The following ABHD5 variants were observed in gnomAD, a reference collection of about 807,000 sequenced individuals.
ABHD5 encodes 1-acylglycerol-3-phosphate O-acyltransferase ABHD5.
Under a neutral mutation model 44.9 loss-of-function variants are expected in ABHD5, and 30 were observed. The observed-to-expected ratio is 0.67, with a 90% CI of 0.50 to 0.91. The LOEUF (loss-of-function observed/expected upper bound fraction) is 0.91. ABHD5 is among the 40% of genes least tolerant of loss of function. The pLI is 0.00. For synonymous variants in ABHD5, 167 were observed against 147.0 expected, an observed-to-expected ratio of 1.14 and a Z score of -0.99; for missense variants, 399 against 423.4, an observed-to-expected ratio of 0.94 and a Z score of 0.50.
In ABHD5 at chr3:43,709,625, A is replaced by G. The variant is rs1302914398; in HGVS notation, c.507-2084A>G. On this transcript the variant is annotated intron_variant, in intron 3 of 6. Coordinates refer to ENST00000644371, the MANE Select transcript of ABHD5 (RefSeq NM_016006.6). ...TTTGGGAGATAAGTCAGTAGTGAAT[A>G]ATAGTGGCTGTTTCTTAACATGAAT... Among the ~76,000 whole-genome samples, 2 of 152,348 alleles carry G rather than the reference A, an allele frequency of 1.3e-5. 1 individual carries two copies. The highest frequency in any genetic ancestry group is 4.8e-5 in the African/African-American group (2 of 41,576).
chr3:43,728,465 A>G (rs2084892429), intron 7 of ABHD5, among the ~76,000 whole-genome samples: 2 of 152,220 alleles, frequency 1.3e-5, no homozygotes, highest in Admixed American at 6.5e-5. Context: ...AAGCTAACCC[A>G]TAAATAACTC....
chr3:43,694,258 C>CAAA (rs80129256), intron 1 of ABHD5, among the ~76,000 whole-genome samples: 113 of 45,486 alleles, frequency 2.5e-3, no homozygotes, highest in African/African-American at 6.8e-3. Context: ...GACTCCGTCT[C>CAAA]AAAAAAAAAA....
At chr3:43,730,481 G>A (rs2084905517) in intron 7 of ABHD5, among the ~76,000 whole-genome samples, 1 of 149,994 alleles carries the variant, frequency 6.7e-6, no homozygotes, top group African/African-American at 2.4e-5. Context: ...TGTTTTAATG[G>A]AGAATAGAAA....
intron 4 of ABHD5, among the ~76,000 whole-genome samples, chr3:43,714,073 C>G (rs764218215): frequency 6.6e-6 from 1 of 151,922 alleles, no homozygotes; most frequent in Non-Finnish European, 1.5e-5. Context: ...GCTCTTCATC[C>G]TCTTTCCCTT....
chr3:43,722,747 A>T (rs1047741278), downstream of ABHD5: 1 of 152,186 alleles, frequency 6.6e-6, no homozygotes, highest in Non-Finnish European at 1.5e-5. Context: ...TATTTTTAGC[A>T]ATGATATTGG....
At chr3:43,718,146 C>T (rs148176940) in intron 6 of ABHD5, among the ~76,000 whole-genome samples, 27 of 152,254 alleles carry the variant, frequency 1.8e-4, no homozygotes, top group Non-Finnish European at 3.4e-4. Context: ...TAATTCCCAC[C>T]TCACAAGGCA....
rs1025129635 is a variant in ABHD5, at chr3:43,720,049, A to G, written c.*1517A>G. 6.6e-6 allele frequency: 1 copy of G among 152,244 alleles called. No individual in the cohort carries two copies. Among genetic ancestry groups the G allele is most frequent in the Non-Finnish European group, 1.5e-5 (1 of 68,038 alleles). The allele number at this position is 152,244 out of a possible 1,614,324, so 9.4% of individuals were successfully genotyped here. On this transcript the variant is annotated 3_prime_UTR_variant, in exon 7 of 7. Transcript: ENST00000644371. Reference sequence around the variant, plus strand: ...TAGACAAATTATACTGAAGCATGATATAAACATCTTCCCAATGAACAATTT... The same window carrying G: ...TAGACAAATTATACTGAAGCATGATGTAAACATCTTCCCAATGAACAATTT...
intron 3 of ABHD5, chr3:43,707,633 T>C (rs1261146456): frequency 6.6e-6 from 1 of 151,666 alleles, no homozygotes; most frequent in Non-Finnish European, 1.5e-5. Context: ...TTCTCCTTTC[T>C]TTTTTTTTCC....
Position 43,718,647 on chromosome 3 carries a change from T to A in ABHD5, c.*115T>A. The A allele has an allele frequency of 1.0e-6, 1 of 996,080 alleles. No homozygotes were observed. Among genetic ancestry groups the A allele is most frequent in the Non-Finnish European group, 1.6e-6 (1 of 629,234 alleles). 61.7% of individuals were successfully genotyped at this position (996,080 alleles called of 1,614,324 possible). A position where few individuals can be genotyped will look rare whatever the true frequency, so the allele number is the denominator to read the frequency against. The stretch of plus-strand genomic sequence containing the variant: ...CACACAACCAGGCAGCCTTCTTGAC[T>A]ATACTTTGCACATGTTTTCTTTAGG... On this transcript the variant is annotated 3_prime_UTR_variant, in exon 7 of 7. Transcript: ENST00000644371.
At chr3:43,703,404 C>T (rs2014253) in intron 3 of ABHD5, among the ~76,000 whole-genome samples, 2,074 of 152,178 alleles carry the variant, frequency 0.014, 40 homozygotes, top group African/African-American at 0.047. Flanking sequence ...GTCTCAAACT[C>T]CTGACCTCAA....
Position 43,699,240 on chromosome 3 carries a change from A to T in ABHD5, c.48-36A>T, listed in dbSNP as rs770681419. Reference sequence around the variant, plus strand: ...CAATTGGTAGTTGAGAAGAGCATGAACTCACCTATTTGTTATTTTGTTTTT... The same window carrying T: ...CAATTGGTAGTTGAGAAGAGCATGATCTCACCTATTTGTTATTTTGTTTTT... On this transcript the variant is annotated intron_variant, in intron 1 of 6. Transcript: ENST00000644371. 4 of 1,545,714 alleles carry T rather than the reference A, an allele frequency of 2.6e-6. No homozygotes were observed. The South Asian group carries it at 4.5e-5, about 17-fold the overall frequency.
In ABHD5 at chr3:43,722,248, T is replaced by C. The variant is rs1472987471; in HGVS notation, c.*3716T>C. 6.6e-6 allele frequency: 1 copy of C among 152,208 alleles called. No individual in the cohort carries two copies. Among genetic ancestry groups the C allele is most frequent in the Non-Finnish European group, 1.5e-5 (1 of 68,038 alleles). The allele number at this position is 152,208 out of a possible 1,614,324, so 9.4% of individuals were successfully genotyped here. ...TCTATACAATGGGATACTACACAGC[T>C]GTAGAAAGGACTGCGAACTATTTTT... On this transcript the variant is annotated 3_prime_UTR_variant, in exon 7 of 7. Coordinates refer to ENST00000644371, the MANE Select transcript of ABHD5 (RefSeq NM_016006.6).
intron 4 of ABHD5, 69 bp from the exon 5 acceptor site, chr3:43,714,878 T>A (rs2084741154): frequency 9.1e-7 from 1 of 1,100,950 alleles, no homozygotes; most frequent in Admixed American, 1.7e-5. Flanking sequence ...ACTAAAACTT[T>A]CTATATTATT....
chr3:43,718,159 A>G (rs1429997819), intron 6 of ABHD5, among the ~76,000 whole-genome samples: 1 of 152,168 alleles, frequency 6.6e-6, no homozygotes, highest in Non-Finnish European at 1.5e-5. Context: ...ACAAGGCAGC[A>G]CACTCTCACT....
intron 2 of ABHD5, chr3:43,702,006 G>T: frequency 1.9e-6 from 1 of 521,830 alleles, no homozygotes; most frequent in South Asian, 2.7e-5. Context: ...AGGTTTGTCT[G>T]AGGTAGGTCT....
At chr3:43,713,173 C>T (rs1315269588) in intron 4 of ABHD5, among the ~76,000 whole-genome samples, 30 of 151,768 alleles carry the variant, frequency 2.0e-4, no homozygotes, top group Admixed American at 2.0e-3. Context: ...AAAAAATTAG[C>T]CAGGCATAGT....
chr3:43,727,755 T>C (rs2084887492), intron 7 of ABHD5, among the ~76,000 whole-genome samples: 1 of 152,194 alleles, frequency 6.6e-6, no homozygotes, highest in African/African-American at 2.4e-5. Flanking sequence ...GCTATAGGCA[T>C]GCGCCACCAT....
chr3:43,698,422 C>T (rs1223238979), intron 1 of ABHD5, among the ~76,000 whole-genome samples: 1 of 152,106 alleles, frequency 6.6e-6, no homozygotes, highest in African/African-American at 2.4e-5. Context: ...AGCCATGCAC[C>T]GAGCCCTTGC....
At chr3:43,714,737 CT>C (rs1415089620) in intron 4 of ABHD5, among the ~76,000 whole-genome samples, 1 of 152,070 alleles carries the variant, frequency 6.6e-6, no homozygotes, top group African/African-American at 2.4e-5. Context: ...ATACTCTTTA[CT>C]TCTTATATTA....
Sources: allele counts gnomAD v4.1 joint callset (sites outside exome capture counted in the v4.1 genomes callset), GRCh38; gene constraint gnomAD v4.1.1; transcripts MANE v1.5; gene names NCBI Gene and HGNC (gene_info 2026-07-23, HGNC 2026-07-21).